Variants in C3orf49 observed in about 807,000 individuals in gnomAD.
The protein encoded by C3orf49 is putative uncharacterized protein C3orf49.
C3orf49 carries 27 observed loss-of-function variants against 13.3 expected under a neutral mutation model. That is an observed-to-expected ratio of 2.02 (90% confidence interval 1.49 to 2.79). The LOEUF is 2.79. Ranked by LOEUF, C3orf49 falls within the 30% of genes most tolerant of loss-of-function variation. The pLI is 0.00. For synonymous variants in C3orf49, 87 were observed against 47.6 expected (o/e 1.83, Z -3.40); for missense variants, 242 against 134.2 (o/e 1.80, Z -3.97).
At chr3:63,815,931 G>A (rs1302105841), upstream of C3orf49, among the ~76,000 whole-genome samples, 3 of 151,286 alleles carry the variant, frequency 2.0e-5, no homozygotes, top group Non-Finnish European at 4.4e-5. Context: ...GGATACAGGC[G>A]TGTGCCACCA....
chr3:63,824,952 C>T (rs1701447958), intron 2 of C3orf49, among the ~76,000 whole-genome samples: 1 of 152,036 alleles, frequency 6.6e-6, no homozygotes. Context: ...TCCCTGATCC[C>T]CACAGCTCCT....
intron 6 of C3orf49, among the ~76,000 whole-genome samples, chr3:63,847,751 A>C (rs902848689): frequency 6.6e-6 from 1 of 152,216 alleles, no homozygotes; most frequent in African/African-American, 2.4e-5. Flanking sequence ...AACAAACAAA[A>C]AAAACAAACT....
intron 5 of C3orf49, among the ~76,000 whole-genome samples, chr3:63,833,073 T>G (rs1334101773): frequency 1.3e-5 from 2 of 152,030 alleles, no homozygotes; most frequent in Non-Finnish European, 2.9e-5. Context: ...TTAAAAAGAT[T>G]ATAAATTCTT....
At chr3:63,848,339 A>C (rs890123732) in intron 6 of C3orf49, 25 bp from the exon 7 acceptor site, 1 of 152,130 alleles carries the variant, frequency 6.6e-6, no homozygotes, top group Admixed American at 6.5e-5. Flanking sequence ...ATTTCAACCC[A>C]GAAATTCCTT....
chr3:63,834,079 T>C, intron 5 of C3orf49: 1 of 1,581,652 alleles, frequency 6.3e-7, no homozygotes, highest in Non-Finnish European at 8.7e-7. Context: ...TTAAACACAT[T>C]ATGGTCATGT....
chr3:63,836,344 C>CT (rs769419537), intron 5 of C3orf49: 1 of 1,612,318 alleles, frequency 6.2e-7, no homozygotes, highest in South Asian at 1.1e-5. Flanking sequence ...ATCACTTTTG[C>CT]CAAAGCATCA....
At chr3:63,827,286 T>G (rs1443135094) in intron 2 of C3orf49, 1 of 200,636 alleles carries the variant, frequency 5.0e-6, no homozygotes, top group Non-Finnish European at 1.0e-5. Flanking sequence ...GGGCCTTGCA[T>G]GTTAGAGGGT....
At chr3:63,817,073 C>T (rs533519688), upstream of C3orf49, among the ~76,000 whole-genome samples, 6 of 152,072 alleles carry the variant, frequency 3.9e-5, no homozygotes, top group East Asian at 5.8e-4. Context: ...CGCACCTGAC[C>T]GCTTTCTTCC....
chr3:63,832,127 G>C, intron 5 of C3orf49: 1 of 290,468 alleles, frequency 3.4e-6, no homozygotes, highest in Non-Finnish European at 6.3e-6. Context: ...CTGGGAGGCA[G>C]AGGCTGCAGT....
At chr3:63,816,347 T>C (rs1461941782), upstream of C3orf49, among the ~76,000 whole-genome samples, 6 of 151,984 alleles carry the variant, frequency 3.9e-5, no homozygotes, top group Non-Finnish European at 7.4e-5. Context: ...TCCCAGCACT[T>C]TGGGAGGCTG....
At chr3:63,834,256 G>A (rs902034510) in intron 5 of C3orf49, 26 of 1,522,378 alleles carry the variant, frequency 1.7e-5, no homozygotes, top group African/African-American at 1.2e-4. Context: ...TTTTATATTC[G>A]ATGAACACAT....
At chr3:63,785,879 G>A in the C3orf49 span, 1 of 151,854 alleles carries the variant, frequency 6.6e-6, no homozygotes, top group East Asian at 1.9e-4. Context: ...CTTAATTTGG[G>A]GAGCACATCA....
the C3orf49 span, chr3:63,782,560 A>G: frequency 2.6e-5 from 4 of 152,230 alleles, no homozygotes; most frequent in Non-Finnish European, 5.9e-5. Context: ...GCCACAAGAA[A>G]GACAGTTGAG....
At chr3:63,782,813 T>C in the C3orf49 span, 1 of 152,240 alleles carries the variant, frequency 6.6e-6, no homozygotes. Flanking sequence ...TAGCATGTTA[T>C]AGCAAACAGA....
the C3orf49 span, among the ~76,000 whole-genome samples, chr3:63,813,281 T>A: frequency 6.6e-6 from 1 of 152,214 alleles, no homozygotes; most frequent in African/African-American, 2.4e-5. Flanking sequence ...GAATGCTGGC[T>A]CTGAGGCTGA....
the C3orf49 span, among the ~76,000 whole-genome samples, chr3:63,808,640 A>G: frequency 6.6e-6 from 1 of 152,212 alleles, no homozygotes; most frequent in Non-Finnish European, 1.5e-5. Flanking sequence ...TTCAGGTCCT[A>G]TTGCCTCTTC....
the C3orf49 span, among the ~76,000 whole-genome samples, chr3:63,789,010 C>G: frequency 6.6e-6 from 1 of 152,084 alleles, no homozygotes; most frequent in East Asian, 1.9e-4. Context: ...TCACTGATCA[C>G]TTACAACAGG....
upstream of C3orf49, among the ~76,000 whole-genome samples, chr3:63,818,215 G>C (rs954680959): frequency 1.3e-5 from 2 of 151,808 alleles, no homozygotes. Context: ...ACTATGGCTT[G>C]GGCACTATGA....
chr3:63,808,652 T>C, the C3orf49 span, among the ~76,000 whole-genome samples: 4 of 152,252 alleles, frequency 2.6e-5, no homozygotes, highest in South Asian at 8.3e-4. Flanking sequence ...TGCCTCTTCA[T>C]TCCCGAATTA....
Sources: gnomAD v4.1 joint callset for allele counts (sites outside exome capture counted in the v4.1 genomes callset) on GRCh38, gnomAD v4.1.1 for gene constraint, MANE v1.5 for transcripts, NCBI Gene and HGNC (gene_info 2026-07-23, HGNC 2026-07-21) for gene names.